Variants in SLC4A10 observed in about 807,000 individuals in gnomAD.
SLC4A10 encodes sodium-driven chloride bicarbonate exchanger.
SLC4A10 carries 42 observed loss-of-function variants against 137.7 expected under a neutral mutation model. The ratio of observed to expected loss-of-function variants is 0.30; its 90% CI spans 0.24 to 0.39. SLC4A10 has a LOEUF of 0.39. Among genes scored for constraint, SLC4A10 ranks in the 10% least tolerant of loss-of-function variants. The pLI is 1.00. For synonymous variants in SLC4A10, 474 were observed against 464.1 expected (o/e 1.02, Z -0.27); for missense variants, 925 against 1,355.0 (o/e 0.68, Z 4.98).
At chr2:161,636,809 C>T (rs928641335) in intron 1 of SLC4A10, among the ~76,000 whole-genome samples, 1 of 151,974 alleles carries the variant, frequency 6.6e-6, no homozygotes, top group African/African-American at 2.4e-5. Flanking sequence ...CTCACCTTGA[C>T]CTCTTGAGTA....
In SLC4A10 at chr2:161,833,389, G is replaced by C. The variant is rs111433448; in HGVS notation, c.278-6400G>C. On this transcript the variant is annotated intron_variant, in intron 3 of 26. Transcript: ENST00000446997. ...GAGACAAAATCAAGGGGAAACTATA[G>C]ATGAGGCATTAATTAGTATTGCACT... Among the ~76,000 whole-genome samples, 522 of 152,300 alleles carry C rather than the reference G, an allele frequency of 3.4e-3. 3 individuals carry two copies. The highest frequency in any genetic ancestry group is 0.011 in the African/African-American group (460 of 41,562).
chr2:161,875,522 A>G (rs949901613), intron 8 of SLC4A10, among the ~76,000 whole-genome samples: 16 of 152,240 alleles, frequency 1.1e-4, no homozygotes, highest in African/African-American at 3.1e-4. Flanking sequence ...AGGAATGATT[A>G]GGAAAATAAC....
chr2:161,679,005 T>C (rs1363725446), intron 1 of SLC4A10, among the ~76,000 whole-genome samples: 1 of 152,140 alleles, frequency 6.6e-6, no homozygotes, highest in East Asian at 1.9e-4. Flanking sequence ...AGGATGTGAA[T>C]ACATTTACTT....
intron 19 of SLC4A10, among the ~76,000 whole-genome samples, chr2:161,952,756 T>G (rs889918338): frequency 6.6e-6 from 1 of 152,214 alleles, no homozygotes; most frequent in African/African-American, 2.4e-5. Flanking sequence ...TTCATCTACA[T>G]TGAACCCCTA....
At chr2:161,755,849 C>CAA (rs2049572254) in intron 1 of SLC4A10, among the ~76,000 whole-genome samples, 1 of 151,384 alleles carries the variant, frequency 6.6e-6, no homozygotes, top group South Asian at 2.1e-4. Flanking sequence ...CGGCTCACTG[C>CAA]AACCTCTGCC....
chr2:161,761,674 T>G lies in SLC4A10; in HGVS notation c.49-9299T>G, dbSNP rs184912733. ...TCTCAGATACCTTTTATCCTTTAACTAGTAGATGTTAGGCCCACTAGGAGA... is the reference window on the plus strand; with the variant it reads ...TCTCAGATACCTTTTATCCTTTAACGAGTAGATGTTAGGCCCACTAGGAGA... On this transcript the variant is annotated intron_variant, in intron 1 of 26. Transcript: ENST00000446997. Among the ~76,000 whole-genome samples, 150 of 152,240 alleles carry G rather than the reference T, an allele frequency of 9.9e-4. No individual in the cohort carries two copies. In the Middle Eastern group the frequency reaches 0.02, roughly 21 times the overall value.
chr2:161,916,825 C>T (rs1264718603), intron 15 of SLC4A10, among the ~76,000 whole-genome samples: 1 of 152,170 alleles, frequency 6.6e-6, no homozygotes, highest in Non-Finnish European at 1.5e-5. Flanking sequence ...TACTCGAGAA[C>T]TTTCTGTGAA....
chr2:161,981,563 G>A (rs1254618784), intron 26 of SLC4A10, among the ~76,000 whole-genome samples: 5 of 152,228 alleles, frequency 3.3e-5, no homozygotes, highest in African/African-American at 9.6e-5. Flanking sequence ...CTTTTTCATT[G>A]ACTTTGTTTG....
chr2:161,798,990 A>G (rs886095430), intron 2 of SLC4A10, among the ~76,000 whole-genome samples: 2 of 151,010 alleles, frequency 1.3e-5, no homozygotes, highest in Non-Finnish European at 3.0e-5. Context: ...CTAACTGCAG[A>G]TAAACTCTGA....
chr2:161,804,632 A>G (rs2055725284), intron 3 of SLC4A10, 37 bp downstream of exon 3: 2 of 1,549,196 alleles, frequency 1.3e-6, no homozygotes, highest in African/African-American at 2.7e-5. Flanking sequence ...TAAGTTAATT[A>G]TTGTAATATA....
chr2:161,806,157 T>C (rs995370175), intron 3 of SLC4A10, among the ~76,000 whole-genome samples: 1 of 152,158 alleles, frequency 6.6e-6, no homozygotes, highest in African/African-American at 2.4e-5. Context: ...CTTTCAGCTA[T>C]GGCTGGAGCA....
intron 1 of SLC4A10, among the ~76,000 whole-genome samples, chr2:161,742,259 TG>T (rs1260757008): frequency 2.0e-5 from 3 of 152,150 alleles, no homozygotes; most frequent in African/African-American, 4.8e-5. Context: ...AATCTTGTTT[TG>T]TGACTAATGC....
chr2:161,695,237 T>C (rs1393846377), intron 1 of SLC4A10, among the ~76,000 whole-genome samples: 2 of 152,114 alleles, frequency 1.3e-5, no homozygotes, highest in Non-Finnish European at 2.9e-5. Context: ...TTCTGTGCCA[T>C]GGACTGAAAC....
At chr2:161,668,293 A>C (rs1039051095) in intron 1 of SLC4A10, among the ~76,000 whole-genome samples, 2 of 151,840 alleles carry the variant, frequency 1.3e-5, no homozygotes, top group Non-Finnish European at 3.0e-5. Context: ...TGAAGGCATC[A>C]AGAAAATTTA....
intron 3 of SLC4A10, among the ~76,000 whole-genome samples, chr2:161,824,834 A>G (rs1575143072): frequency 1.3e-5 from 2 of 152,164 alleles, no homozygotes; most frequent in Non-Finnish European, 2.9e-5. Flanking sequence ...CAGAAATTAC[A>G]ATTTATTTCC....
intron 1 of SLC4A10, among the ~76,000 whole-genome samples, chr2:161,731,163 T>C (rs963036185): frequency 6.6e-6 from 1 of 152,182 alleles, no homozygotes. Context: ...TAAATGTGAA[T>C]GCATGAGTTC....
rs750153657 is a variant in SLC4A10 at position 161,983,287 on chromosome 2, G to A, written c.*135G>A. Reference sequence around the variant, plus strand: ...TTTTTTACATATATATGAGAAGAGTGTCACAATTATTAATAAAACTGCTTT... The same window carrying A: ...TTTTTTACATATATATGAGAAGAGTATCACAATTATTAATAAAACTGCTTT... On this transcript the variant is annotated 3_prime_UTR_variant, in exon 27 of 27. Coordinates refer to ENST00000446997, the MANE Select transcript of SLC4A10 (RefSeq NM_001178015.2). The A allele has an allele frequency of 1.3e-6, 2 of 1,500,222 alleles. No individual in the cohort carries two copies. Among genetic ancestry groups the A allele is most frequent in the South Asian group, 1.2e-5 (1 of 82,080 alleles). The allele number at this position is 1,500,222 out of a possible 1,614,324, so 92.9% of individuals were successfully genotyped here.
At chr2:161,854,347 A>G (rs766543559) in intron 4 of SLC4A10, among the ~76,000 whole-genome samples, 91 of 152,188 alleles carry the variant, frequency 6.0e-4, no homozygotes, top group Non-Finnish European at 1.0e-3. Flanking sequence ...ATTTGACATC[A>G]TGACATCAAG....
chr2:161,915,484 T>C (rs762099219), intron 15 of SLC4A10, among the ~76,000 whole-genome samples: 3 of 152,164 alleles, frequency 2.0e-5, no homozygotes, highest in Non-Finnish European at 4.4e-5. Context: ...CACTGGCCCA[T>C]TGCTCTCACT....
Sources: gnomAD v4.1 joint callset for allele counts (sites outside exome capture counted in the v4.1 genomes callset) on GRCh38, gnomAD v4.1.1 for gene constraint, MANE v1.5 for transcripts, NCBI Gene and HGNC (gene_info 2026-07-23, HGNC 2026-07-21) for gene names.